SNX24: variants seen among roughly 807,000 people sequenced by gnomAD.
The protein encoded by SNX24 is sorting nexin 24.
SNX24 carries 22 observed loss-of-function variants against 28.7 expected under a neutral mutation model. The observed-to-expected ratio is 0.77, with a 90% confidence interval of 0.55 to 1.10. The LOEUF (loss-of-function observed/expected upper bound fraction) is 1.10, where lower values mean the gene tolerates loss of function less well. SNX24 is among the 50% of genes least tolerant of loss of function. The pLI is 0.00. For synonymous variants in SNX24, 69 were observed against 71.5 expected (o/e 0.96, Z 0.18); for missense variants, 221 against 201.1 (o/e 1.10, Z -0.60).
intron 5 of SNX24, among the ~76,000 whole-genome samples, chr5:123,018,977 G>A (rs774844234): frequency 7.2e-5 from 11 of 152,038 alleles, no homozygotes; most frequent in African/African-American, 1.2e-4. Context: ...GAGCCACCGC[G>A]CCTGGCCTAG....
chr5:122,889,089 T>C (rs185975280), intron 1 of SNX24, among the ~76,000 whole-genome samples: 1 of 152,248 alleles, frequency 6.6e-6, no homozygotes, highest in East Asian at 1.9e-4. Flanking sequence ...CTGATCTCAA[T>C]TGATCTGCCC....
At chr5:122,889,509 A>G (rs1226199730) in intron 1 of SNX24, among the ~76,000 whole-genome samples, 1 of 151,924 alleles carries the variant, frequency 6.6e-6, no homozygotes, top group Admixed American at 6.6e-5. Flanking sequence ...ACCAATACAT[A>G]TAATGCAGAT....
intron 1 of SNX24, among the ~76,000 whole-genome samples, chr5:122,898,333 G>GACATGAT: frequency 6.6e-6 from 1 of 152,200 alleles, no homozygotes; most frequent in Non-Finnish European, 1.5e-5. Flanking sequence ...TTGTCTGCAA[G>GACATGAT]ACATGATACA....
Position 122,946,136 on chromosome 5 carries a change from C to A in SNX24, c.226C>A (p.Gln76Lys). Residue 76 changes from glutamine to lysine, a missense_variant, in exon 3 of 7, where the codon CAA becomes AAA. Physicochemically the swap from Gln to Lys is moderately conservative, Grantham distance 53 (BLOSUM62 1). Transcript: ENST00000261369. ...WVPKVLEQRR[Q>K]GLETYLQAVI... The stretch of plus-strand genomic sequence containing the variant: ...CCCCAAAGTCTTGGAACAGCGACGA[C>A]AAGGCTTGGAAACATACTTACAGGT... 1 of 1,606,080 alleles carries A rather than the reference C, an allele frequency of 6.2e-7. No individual in the cohort carries two copies. Among genetic ancestry groups the A allele is most frequent in the South Asian group, 1.1e-5 (1 of 90,638 alleles).
intron 3 of SNX24, among the ~76,000 whole-genome samples, chr5:122,964,247 C>CAAAAAAAAAAAAAAAAAAAAAAAA (rs34174497): frequency 4.6e-4 from 17 of 36,574 alleles, no homozygotes; most frequent in Non-Finnish European, 4.7e-4. Context: ...GACTCCATCT[C>CAAAAAAAAAAAAAAAAAAAAAAAA]AAAAAAAAAA....
chr5:122,922,892 C>T (rs1249397789), intron 1 of SNX24, among the ~76,000 whole-genome samples: 4 of 152,112 alleles, frequency 2.6e-5, no homozygotes, highest in African/African-American at 9.7e-5. Context: ...CTTCAGACAC[C>T]TTGAATAGGG....
chr5:122,952,379 G>T (rs1759983745), intron 3 of SNX24, among the ~76,000 whole-genome samples: 2 of 152,116 alleles, frequency 1.3e-5, no homozygotes, highest in Non-Finnish European at 2.9e-5. Context: ...AAACAGAATG[G>T]CTGGGAAGAG....
At chr5:122,930,102 A>G (rs2150110876) in intron 1 of SNX24, among the ~76,000 whole-genome samples, 1 of 152,292 alleles carries the variant, frequency 6.6e-6, no homozygotes, top group Middle Eastern at 3.4e-3. Context: ...CTGTGTGCCA[A>G]GCACCTTTGA....
At chr5:122,846,639 C>A (rs950016063) in intron 1 of SNX24, among the ~76,000 whole-genome samples, 13 of 152,140 alleles carry the variant, frequency 8.5e-5, no homozygotes, top group Non-Finnish European at 1.8e-4. Context: ...TATTTGGTGA[C>A]AGTCTGTTTG....
intron 1 of SNX24, among the ~76,000 whole-genome samples, chr5:122,926,934 T>A (rs987042001): frequency 5.3e-5 from 8 of 152,220 alleles, no homozygotes; most frequent in Non-Finnish European, 8.8e-5. Context: ...CCTGTAGAGA[T>A]GTATGAATGT....
At chr5:122,871,859 T>G (rs757255307) in intron 1 of SNX24, among the ~76,000 whole-genome samples, 4 of 152,152 alleles carry the variant, frequency 2.6e-5, no homozygotes, top group Admixed American at 1.3e-4. Flanking sequence ...TGGAGCCAGA[T>G]AGACTTGATT....
At chr5:122,858,055 A>G (rs1755289805) in intron 1 of SNX24, among the ~76,000 whole-genome samples, 1 of 152,218 alleles carries the variant, frequency 6.6e-6, no homozygotes, top group Non-Finnish European at 1.5e-5. Flanking sequence ...TGCTGGGATT[A>G]CAGGACCTTT....
intron 1 of SNX24, among the ~76,000 whole-genome samples, chr5:122,866,336 T>C (rs1755720824): frequency 6.6e-6 from 1 of 151,962 alleles, no homozygotes; most frequent in Non-Finnish European, 1.5e-5. Context: ...TTTAGTAGAG[T>C]TGGGGTTTCA....
At chr5:122,932,593 G>A (rs1282123210) in intron 1 of SNX24, among the ~76,000 whole-genome samples, 2 of 152,174 alleles carry the variant, frequency 1.3e-5, no homozygotes, top group African/African-American at 4.8e-5. Flanking sequence ...ATTTTAGCCG[G>A]GTGCAGTGGC....
In SNX24 at chr5:122,936,788, T is replaced by TA. The variant is rs1465371616; in HGVS notation, c.116dup (p.Tyr39Ter). Reference protein sequence around the residue: ...NGRKHFVEKRYSEFHALHKKL... With the variant: ...NGRKHFVEKR ...AAGAAAACATTTTGTTGAAAAGAGA[T>TA]ACAGCGAATTTCATGCTTTGCACAA... The change falls in exon 2 of 7, where the codon TAC becomes TAAC. Residue 39 changes from tyrosine to a stop codon, truncating the protein, a stop_gained and frameshift_variant. Coordinates refer to ENST00000261369, the MANE Select transcript of SNX24 (RefSeq NM_014035.4). LOFTEE classifies it high-confidence loss of function. The TA allele has an allele frequency of 6.2e-7, 1 of 1,608,954 alleles. No homozygotes were observed. The highest frequency in any genetic ancestry group is 8.5e-7 in the Non-Finnish European group (1 of 1,176,304).
At chr5:122,880,956 G>A (rs1293853801) in intron 1 of SNX24, among the ~76,000 whole-genome samples, 1 of 152,176 alleles carries the variant, frequency 6.6e-6, no homozygotes, top group Non-Finnish European at 1.5e-5. Context: ...GTTGCAAATG[G>A]GCCTGCCCCC....
intron 3 of SNX24, among the ~76,000 whole-genome samples, chr5:122,970,800 C>G (rs1345039839): frequency 6.6e-6 from 1 of 152,212 alleles, no homozygotes; most frequent in African/African-American, 2.4e-5. Context: ...GTCAGCCACA[C>G]TAGTTTACTA....
chr5:123,028,535 C>T (rs1762896068), intron 5 of SNX24: 2 of 412,814 alleles, frequency 4.8e-6, no homozygotes, highest in Non-Finnish European at 8.5e-6. Flanking sequence ...AAAATGAATA[C>T]ATCTCAATTA....
chr5:123,010,384 G>A (rs1490667830), downstream of SNX24, among the ~76,000 whole-genome samples: 1 of 151,686 alleles, frequency 6.6e-6, no homozygotes, highest in Admixed American at 6.6e-5. Context: ...TCTGCCTCCT[G>A]GGTTCAAGCA....
Sources: gnomAD v4.1 joint callset for allele counts (sites outside exome capture counted in the v4.1 genomes callset) on GRCh38, gnomAD v4.1.1 for gene constraint, MANE v1.5 for transcripts, NCBI Gene and HGNC (gene_info 2026-07-23, HGNC 2026-07-21) for gene names.